The following RANBP17 variants were observed in gnomAD, a reference collection of about 807,000 sequenced individuals.
RANBP17 encodes the protein RAN binding protein 17.
RANBP17 carries 158 observed loss-of-function variants against 141.2 expected under a neutral mutation model. That is an observed-to-expected ratio of 1.12 (90% CI 0.98 to 1.28). The LOEUF is 1.28. Among genes scored for constraint, RANBP17 ranks in the 50% most tolerant of loss-of-function variants. RANBP17 has a pLI of 0.00. For missense variants in RANBP17, 1,438 were observed against 1,290.7 expected (o/e 1.11, Z -1.75); for synonymous variants, 430 against 450.0 (o/e 0.96, Z 0.56).
chr5:171,088,782 CGTA>C (rs1289380164), intron 14 of RANBP17, among the ~76,000 whole-genome samples: 1 of 152,114 alleles, frequency 6.6e-6, no homozygotes, highest in Non-Finnish European at 1.5e-5. Flanking sequence ...GCATTCTTCA[CGTA>C]GTTCTCGAGC....
At chr5:171,198,892 A>G (rs1762133930) in intron 18 of RANBP17, among the ~76,000 whole-genome samples, 1 of 152,212 alleles carries the variant, frequency 6.6e-6, no homozygotes, top group Admixed American at 6.5e-5. Flanking sequence ...AGGATGAATG[A>G]GTGAATTCAA....
intron 18 of RANBP17, among the ~76,000 whole-genome samples, chr5:171,189,753 C>T (rs896411656): frequency 2.0e-5 from 3 of 152,138 alleles, no homozygotes; most frequent in Non-Finnish European, 2.9e-5. Flanking sequence ...ATTTGTTGAG[C>T]GTTGTTGAAC....
chr5:171,239,267 T>C (rs1285832669), intron 22 of RANBP17, among the ~76,000 whole-genome samples: 1 of 152,156 alleles, frequency 6.6e-6, no homozygotes, highest in Non-Finnish European at 1.5e-5. Context: ...CAGAAGAGAA[T>C]ATGCATATGG....
intron 24 of RANBP17, among the ~76,000 whole-genome samples, chr5:171,245,486 G>GTTT (rs1261230289): frequency 2.6e-5 from 4 of 151,876 alleles, no homozygotes; most frequent in African/African-American, 9.7e-5. Context: ...AGCTAATTTT[G>GTTT]TTTTTTTAGT....
chr5:171,000,816 C>G (rs1043008877), intron 14 of RANBP17, among the ~76,000 whole-genome samples: 2 of 151,994 alleles, frequency 1.3e-5, no homozygotes, highest in African/African-American at 4.8e-5. Flanking sequence ...AAAGAACCTT[C>G]TTAAGGATGG....
chr5:171,193,953 T>C (rs989166224), intron 18 of RANBP17, among the ~76,000 whole-genome samples: 3 of 152,242 alleles, frequency 2.0e-5, no homozygotes, highest in African/African-American at 7.2e-5. Flanking sequence ...CTACCTGCCA[T>C]ATTGATTTAT....
Position 170,985,158 on chromosome 5 carries a change from G to GAC in RANBP17, c.1710+16795_1710+16796dup, listed in dbSNP as rs562988464. ...ACAGACACACACAAATGCACACACAGACACACACACACACATCTTAGCTTC... is the reference window on the plus strand; with the variant it reads ...ACAGACACACACAAATGCACACACAGACACACACACACACACATCTTAGCTTC... On this transcript the variant is annotated intron_variant, in intron 14 of 27. Transcript: ENST00000523189. 9.3e-5 allele frequency among the ~76,000 whole-genome samples: 14 copies of GAC among 150,360 alleles called. 1 individual carries two copies. Among genetic ancestry groups the GAC allele is most frequent in the East Asian group, 1.9e-4 (1 of 5,130 alleles).
intron 5 of RANBP17, among the ~76,000 whole-genome samples, chr5:170,908,221 A>G (rs1172537533): frequency 6.6e-6 from 1 of 151,972 alleles, no homozygotes; most frequent in African/African-American, 2.4e-5. Context: ...ATGCACTTAC[A>G]TGTTCACTGC....
intron 16 of RANBP17, among the ~76,000 whole-genome samples, chr5:171,173,325 T>A (rs1157325766): frequency 2.0e-5 from 3 of 152,048 alleles, no homozygotes; most frequent in Non-Finnish European, 4.4e-5. Flanking sequence ...ATGACATTCT[T>A]CAGCAATAGA....
At chr5:171,246,647 A>C (rs1165709520) in intron 24 of RANBP17, among the ~76,000 whole-genome samples, 2 of 152,326 alleles carry the variant, frequency 1.3e-5, no homozygotes, top group East Asian at 3.9e-4. Flanking sequence ...AAGATTTTGA[A>C]TTAGTTTCAG....
chr5:171,159,210 C>T (rs1212084367), intron 14 of RANBP17, among the ~76,000 whole-genome samples: 3 of 152,122 alleles, frequency 2.0e-5, no homozygotes, highest in East Asian at 1.9e-4. Flanking sequence ...GTTTGCTTTT[C>T]GCTGTATCAC....
At chr5:171,182,872 C>T (rs764609047) in intron 16 of RANBP17, among the ~76,000 whole-genome samples, 1 of 152,030 alleles carries the variant, frequency 6.6e-6, no homozygotes, top group Non-Finnish European at 1.5e-5. Context: ...AAAAAGGGAT[C>T]AGTTTTAATT....
At chr5:171,143,197 G>C (rs187449668) in intron 14 of RANBP17, 32 of 152,230 alleles carry the variant, frequency 2.1e-4, no homozygotes, top group African/African-American at 7.2e-4. Flanking sequence ...GGAAGTTTTT[G>C]TTCCTAAAGG....
chr5:171,171,164 C>G (rs756217231), intron 15 of RANBP17, 42 bp from the exon 16 acceptor site: 12 of 1,087,284 alleles, frequency 1.1e-5, no homozygotes, highest in African/African-American at 1.6e-5. Flanking sequence ...CTTAGACAAG[C>G]AAATATCTTA....
chr5:170,874,699 T>G (rs1052295817), intron 1 of RANBP17, among the ~76,000 whole-genome samples: 12 of 151,996 alleles, frequency 7.9e-5, no homozygotes, highest in African/African-American at 2.4e-4. Context: ...CCTACATCCC[T>G]TTATTTTGAG....
chr5:171,150,411 A>G (rs191733753), intron 14 of RANBP17, among the ~76,000 whole-genome samples: 5 of 152,100 alleles, frequency 3.3e-5, no homozygotes, highest in Admixed American at 2.0e-4. Flanking sequence ...ATATTAATTT[A>G]TATGTCCCCT....
At chr5:170,937,416 TC>T (rs1773972835) in intron 12 of RANBP17, among the ~76,000 whole-genome samples, 2 of 152,360 alleles carry the variant, frequency 1.3e-5, no homozygotes, top group Admixed American at 1.3e-4. Context: ...CTAGGCTTTT[TC>T]CTTTGGCCAT....
chr5:170,932,133 A>G (rs577417458), intron 12 of RANBP17, among the ~76,000 whole-genome samples: 1 of 152,108 alleles, frequency 6.6e-6, no homozygotes, highest in African/African-American at 2.4e-5. Context: ...TTCCCTTGTA[A>G]GTTGGATTCC....
chr5:171,297,395 A>C (rs1048631281), intron 27 of RANBP17, among the ~76,000 whole-genome samples: 5 of 152,158 alleles, frequency 3.3e-5, no homozygotes, highest in Non-Finnish European at 7.3e-5. Context: ...GGGGGCGAAA[A>C]AAAAGGCCTG....
Sources: allele counts gnomAD v4.1 joint callset (sites outside exome capture counted in the v4.1 genomes callset), GRCh38; gene constraint gnomAD v4.1.1; transcripts MANE v1.5; gene names NCBI Gene and HGNC (gene_info 2026-07-23, HGNC 2026-07-21).